AP1S3: variants seen among roughly 807,000 people sequenced by gnomAD.
AP1S3 encodes the protein adaptor related protein complex 1 subunit sigma 3, also known as AP-1 complex subunit sigma-3.
A neutral mutation model predicts 20.9 loss-of-function variants in AP1S3; 10 were observed. That is an observed-to-expected ratio of 0.48 (90% confidence interval 0.29 to 0.81). AP1S3 has a LOEUF of 0.81. Among genes scored for constraint, AP1S3 ranks in the 30% least tolerant of loss-of-function variants. The probability of loss-of-function intolerance (pLI) is 0.08; values close to 1 mark genes in which losing one functional copy is unlikely to be tolerated. For synonymous variants in AP1S3, 41 were observed against 61.5 expected (o/e 0.67, Z 1.56); for missense variants, 154 against 183.8 (o/e 0.84, Z 0.94).
intron 1 of AP1S3, among the ~76,000 whole-genome samples, chr2:223,832,692 T>C (rs1692300925): frequency 6.6e-6 from 1 of 152,040 alleles, no homozygotes; most frequent in East Asian, 1.9e-4. Context: ...ATAAAATTGA[T>C]ACAGAAGGGG....
At chr2:223,801,280 G>A (rs1316311165) in intron 1 of AP1S3, among the ~76,000 whole-genome samples, 6 of 152,082 alleles carry the variant, frequency 3.9e-5, no homozygotes, top group Non-Finnish European at 5.9e-5. Context: ...GTTCCAGATC[G>A]ACGAGCTAGA....
At chr2:223,830,962 T>A (rs1692243872) in intron 1 of AP1S3, among the ~76,000 whole-genome samples, 1 of 152,212 alleles carries the variant, frequency 6.6e-6, no homozygotes, top group Admixed American at 6.5e-5. Context: ...ATTTTCAGTA[T>A]CCCCTTTTCA....
chr2:223,824,213 G>A (rs1368559693), intron 1 of AP1S3, among the ~76,000 whole-genome samples: 2 of 152,044 alleles, frequency 1.3e-5, no homozygotes, highest in Non-Finnish European at 2.9e-5. Flanking sequence ...ATATTGCCCA[G>A]GCTGGCCTCG....
intron 1 of AP1S3, among the ~76,000 whole-genome samples, chr2:223,832,733 A>C (rs529989429): frequency 4.6e-5 from 7 of 152,094 alleles, no homozygotes; most frequent in Admixed American, 6.5e-5. Context: ...ACAGGTTCAT[A>C]GTTCGGTTTT....
intron 1 of AP1S3, among the ~76,000 whole-genome samples, chr2:223,836,750 G>A (rs1385282319): frequency 6.6e-6 from 1 of 152,094 alleles, no homozygotes; most frequent in Non-Finnish European, 1.5e-5. Flanking sequence ...GTGCACAACG[G>A]GTAAGGTCAG....
chr2:223,797,391 G>A (rs561576513), intron 1 of AP1S3, among the ~76,000 whole-genome samples: 99 of 152,290 alleles, frequency 6.5e-4, no homozygotes, highest in African/African-American at 2.2e-3. Flanking sequence ...TAAGTCTTCA[G>A]ATTTTTTTCC....
At chr2:223,815,843 C>T (rs1691829707) in intron 1 of AP1S3, among the ~76,000 whole-genome samples, 1 of 152,196 alleles carries the variant, frequency 6.6e-6, no homozygotes, top group South Asian at 2.1e-4. Context: ...CAGGCAGTGG[C>T]TCAGGTCTCT....
chr2:223,764,514 TTA>T (rs536585368), intron 4 of AP1S3, among the ~76,000 whole-genome samples: 221 of 152,158 alleles, frequency 1.5e-3, no homozygotes, highest in African/African-American at 5.2e-3. Context: ...CCACTTTATT[TTA>T]TATAGAAATC....
rs757369112 is a variant in AP1S3 at position 223,832,076 on chromosome 2, CA to C, written c.3+5371del. On this transcript the variant is annotated intron_variant, in intron 1 of 4. Transcript: ENST00000396654. ...TGGGAGACAGAGTAAGACTCCGTCTCAAAAAAAAAAAAATCAAAAAAAGGAC... is the reference window on the plus strand; with the variant it reads ...TGGGAGACAGAGTAAGACTCCGTCTCAAAAAAAAAAAATCAAAAAAAGGAC... Among the ~76,000 whole-genome samples the C allele has an allele frequency of 6.4e-4, 44 of 69,180 alleles. 1 individual carries two copies. Among genetic ancestry groups the C allele is most frequent in the African/African-American group, 5.4e-4 (10 of 18,468 alleles). 45.4% of individuals were successfully genotyped at this position (69,180 alleles called of 152,430 possible). A position where few individuals can be genotyped will look rare whatever the true frequency, so the allele number is the denominator to read the frequency against.
At position 223,777,830 on chromosome 2, in the gene AP1S3, G is replaced by C. The variant is rs367791503; in HGVS notation, c.43C>G (p.Arg15Gly). Reference sequence around the variant, plus strand: ...AGAGTGATGTACCATTTCTGTAGCCGTAATTTCCCTTGTCGACTGAAGAGC... The same window carrying C: ...AGAGTGATGTACCATTTCTGTAGCCCTAATTTCCCTTGTCGACTGAAGAGC... ...ILLFSRQGKL[R>G]LQKWYITLPD... The change falls in exon 2 of 5, where the codon CGG becomes GGG. Residue 15 changes from arginine (R) to glycine (G), a missense_variant. Coordinates refer to ENST00000396654, the MANE Select transcript of AP1S3 (RefSeq NM_001039569.2). The C allele has an allele frequency of 6.2e-7, 1 of 1,613,810 alleles. No homozygotes were observed. The highest frequency in any genetic ancestry group is 8.5e-7 in the Non-Finnish European group (1 of 1,179,938).
At chr2:223,813,585 C>G (rs538124018) in intron 1 of AP1S3, among the ~76,000 whole-genome samples, 1 of 152,302 alleles carries the variant, frequency 6.6e-6, no homozygotes, top group African/African-American at 2.4e-5. Context: ...AGGCTGGCAG[C>G]AGATCCCCAA....
chr2:223,800,026 T>C (rs10168476), intron 1 of AP1S3, among the ~76,000 whole-genome samples: 61,700 of 150,152 alleles, frequency 0.41, 12,709 homozygotes, highest in Middle Eastern at 0.5. Context: ...ACCAGCCTGA[T>C]CAATGTGGCA....
intron 1 of AP1S3, among the ~76,000 whole-genome samples, chr2:223,804,719 A>G (rs2106113512): frequency 6.8e-6 from 1 of 146,138 alleles, no homozygotes; most frequent in East Asian, 2.0e-4. Context: ...GACTGTTTCA[A>G]AAAAAAAAAA....
At chr2:223,822,709 A>G (rs1692019509) in intron 1 of AP1S3, among the ~76,000 whole-genome samples, 1 of 152,158 alleles carries the variant, frequency 6.6e-6, no homozygotes, top group Non-Finnish European at 1.5e-5. Flanking sequence ...AGTAAAAATA[A>G]AAGTACAATA....
Position 223,756,809 on chromosome 2 carries a change from TC to T in AP1S3, c.*1905del, listed in dbSNP as rs1379379166. The T allele has an allele frequency of 2.0e-6, 2 of 985,158 alleles. No individual in the cohort carries two copies. The highest frequency in any genetic ancestry group is 3.5e-5 in the African/African-American group (2 of 57,200). The allele number at this position is 985,158 out of a possible 1,614,324, so 61.0% of individuals were successfully genotyped here. ...ATTTTTCCATCGAGTTCTCTAAAAA[TC>T]TACCAGATGGGATCTCCTAAAGAAT... On this transcript the variant is annotated 3_prime_UTR_variant, in exon 5 of 5. Coordinates refer to ENST00000396654, the MANE Select transcript of AP1S3 (RefSeq NM_001039569.2).
At chr2:223,759,403 C>A (rs1017580673) in intron 4 of AP1S3, among the ~76,000 whole-genome samples, 2 of 152,050 alleles carry the variant, frequency 1.3e-5, no homozygotes, top group African/African-American at 2.4e-5. Context: ...CATCCAGGTA[C>A]GTGTATTAGA....
intron 3 of AP1S3, 87 bp downstream of exon 3, chr2:223,775,813 GA>G: frequency 1.1e-6 from 1 of 945,734 alleles, no homozygotes; most frequent in South Asian, 1.5e-5. Context: ...AGATGTGACA[GA>G]GAGAAGGGAT....
chr2:223,815,488 G>A (rs1370552149), intron 1 of AP1S3, among the ~76,000 whole-genome samples: 3 of 152,136 alleles, frequency 2.0e-5, no homozygotes, highest in Admixed American at 6.6e-5. Flanking sequence ...CCAAGTTTAC[G>A]AGCCACCTTC....
In AP1S3 at chr2:223,800,781, C is replaced by A. The variant is rs527268293; in HGVS notation, c.4-22912G>T. On this transcript the variant is annotated intron_variant, in intron 1 of 4. Coordinates refer to ENST00000396654, the MANE Select transcript of AP1S3 (RefSeq NM_001039569.2). ...TTTCCCTTTCAGGTCAGGAACAAGG[C>A]AGGGATGAACTCTCTCATTACTGCT... Among the ~76,000 whole-genome samples the A allele has an allele frequency of 2.6e-5, 4 of 152,240 alleles. No individual in the cohort carries two copies. In the East Asian group the frequency reaches 7.7e-4, roughly 29 times the overall value.
Sources: gnomAD v4.1 joint callset for allele counts (sites outside exome capture counted in the v4.1 genomes callset) on GRCh38, gnomAD v4.1.1 for gene constraint, MANE v1.5 for transcripts, NCBI Gene and HGNC (gene_info 2026-07-23, HGNC 2026-07-21) for gene names.